RNF144A: variants seen among roughly 807,000 people sequenced by gnomAD.
RNF144A encodes E3 ubiquitin-protein ligase RNF144A.
Under a neutral mutation model 38.7 loss-of-function variants are expected in RNF144A, and 11 were observed. The observed-to-expected ratio is 0.28, with a 90% CI of 0.18 to 0.47. The LOEUF (loss-of-function observed/expected upper bound fraction) is 0.47. Ranked by LOEUF, RNF144A falls within the 20% of genes least tolerant of loss-of-function variation. RNF144A has a pLI of 0.99. For synonymous variants in RNF144A, 149 were observed against 143.9 expected (o/e 1.04, Z -0.25); for missense variants, 316 against 377.2 (o/e 0.84, Z 1.34).
At chr2:7,048,248 A>G (rs1032043088), downstream of RNF144A, among the ~76,000 whole-genome samples, 1 of 152,196 alleles carries the variant, frequency 6.6e-6, no homozygotes, top group Non-Finnish European at 1.5e-5. Context: ...CCTTCAGATA[A>G]TCGCATACAC....
At chr2:6,998,206 T>C (rs923162995) in intron 3 of RNF144A, among the ~76,000 whole-genome samples, 1 of 151,872 alleles carries the variant, frequency 6.6e-6, no homozygotes, top group Non-Finnish European at 1.5e-5. Flanking sequence ...ATTTAACTGC[T>C]GTTGTATGTG....
At chr2:6,990,393 C>G (rs1572349098) in intron 2 of RNF144A, among the ~76,000 whole-genome samples, 1 of 37,088 alleles carries the variant, frequency 2.7e-5, no homozygotes, top group African/African-American at 2.8e-4. Context: ...TTTACACACA[C>G]ACACACACAC....
At chr2:6,931,643 G>A (rs1665216103) in intron 1 of RNF144A, among the ~76,000 whole-genome samples, 1 of 152,186 alleles carries the variant, frequency 6.6e-6, no homozygotes, top group Non-Finnish European at 1.5e-5. Flanking sequence ...TTCTGTTTTG[G>A]TGGTGGTTTT....
At chr2:7,068,904 C>A (rs1572506175), downstream of RNF144A, among the ~76,000 whole-genome samples, 1 of 152,214 alleles carries the variant, frequency 6.6e-6, no homozygotes, top group South Asian at 2.1e-4. Context: ...TAGAGGCTGC[C>A]TGGCACCTCC....
At chr2:7,075,763 A>G in the RNF144A span, among the ~76,000 whole-genome samples, 1 of 152,186 alleles carries the variant, frequency 6.6e-6, no homozygotes, top group Non-Finnish European at 1.5e-5. Context: ...GGATTAAGAC[A>G]TTCAGCCTTG....
At chr2:6,922,247 G>GTGACTGGGAACCTC (rs1553323790) in intron 1 of RNF144A, among the ~76,000 whole-genome samples, 1 of 151,872 alleles carries the variant, frequency 6.6e-6, no homozygotes, top group African/African-American at 2.4e-5. Context: ...ACTGGGGCCA[G>GTGACTGGGAACCTC]CGAACTAGAC....
rs549587671 is a variant in RNF144A at position 6,948,492 on chromosome 2, C to T, written c.-12+7345C>T. 2.2e-4 allele frequency among the ~76,000 whole-genome samples: 34 copies of T among 152,322 alleles called. No individual in the cohort carries two copies. The South Asian group carries it at 6.6e-3, about 30-fold the overall frequency. ...TGTCCCTGTGAGCTGTGGTGCTTCC[C>T]ATCATCCAGCTGAGAAAACTGAGAC... On this transcript the variant is annotated intron_variant, in intron 2 of 8. Transcript: ENST00000320892.
chr2:6,956,056 A>G (rs1050331479), intron 2 of RNF144A, among the ~76,000 whole-genome samples: 1 of 152,190 alleles, frequency 6.6e-6, no homozygotes, highest in East Asian at 1.9e-4. Flanking sequence ...ATATTATAAC[A>G]TGGCTTCAAG....
intron 1 of RNF144A, among the ~76,000 whole-genome samples, chr2:6,935,042 C>T (rs1665479152): frequency 6.6e-6 from 1 of 150,950 alleles, no homozygotes; most frequent in African/African-American, 2.4e-5. Flanking sequence ...GCACCTTCTT[C>T]CTTCCTAAAA....
At chr2:7,008,253 C>T (rs546363220) in intron 3 of RNF144A, among the ~76,000 whole-genome samples, 7 of 152,356 alleles carry the variant, frequency 4.6e-5, no homozygotes, top group South Asian at 4.1e-4. Flanking sequence ...TTTTTGGCAG[C>T]GGGTGCGTGG....
At chr2:7,052,073 C>T (rs1673550228) in intron 6 of RNF144A, among the ~76,000 whole-genome samples, 1 of 152,140 alleles carries the variant, frequency 6.6e-6, no homozygotes, top group African/African-American at 2.4e-5. Context: ...TGCCCTATTG[C>T]CTCTGTAGCT....
chr2:7,070,695 TA>T (rs1382519959), downstream of RNF144A, among the ~76,000 whole-genome samples: 1 of 152,140 alleles, frequency 6.6e-6, no homozygotes, highest in East Asian at 1.9e-4. Flanking sequence ...AAGTGCTATG[TA>T]AAAACAGAGA....
chr2:6,935,323 C>G (rs1411766600), intron 1 of RNF144A, among the ~76,000 whole-genome samples: 2 of 152,220 alleles, frequency 1.3e-5, no homozygotes, highest in African/African-American at 4.8e-5. Flanking sequence ...ATACCCATTC[C>G]TGCAGTAACA....
chr2:6,965,432 G>A (rs1667605429), intron 2 of RNF144A, among the ~76,000 whole-genome samples: 1 of 152,234 alleles, frequency 6.6e-6, no homozygotes, highest in Non-Finnish European at 1.5e-5. Flanking sequence ...GAGCAACTTT[G>A]TGTCAATTAC....
In RNF144A at chr2:6,948,807, G is replaced by A. The variant is rs571379708; in HGVS notation, c.-12+7660G>A. On this transcript the variant is annotated intron_variant, in intron 2 of 8. Coordinates refer to ENST00000320892, the MANE Select transcript of RNF144A (RefSeq NM_014746.6). ...TTCTGGACATTGGTGTTTTGGAGGA[G>A]CCATTTTAAGGGCTATCAGCTGGTG... Among the ~76,000 whole-genome samples the A allele has an allele frequency of 1.2e-3, 184 of 152,330 alleles. 2 individuals carry two copies. Among genetic ancestry groups the A allele is most frequent in the Non-Finnish European group, 2.0e-3 (137 of 68,034 alleles).
At position 7,010,627 on chromosome 2, in the gene RNF144A, G is replaced by C. The variant is rs388773; in HGVS notation, c.136-3827G>C. On this transcript the variant is annotated intron_variant, in intron 3 of 8. Transcript: ENST00000320892. ...ATTAGCAAATCAGCAGTGCTGTCTCGTCATCAGGTTTCAAAGAGTTGGAAA... is the reference window on the plus strand; with the variant it reads ...ATTAGCAAATCAGCAGTGCTGTCTCCTCATCAGGTTTCAAAGAGTTGGAAA... 2.8e-3 allele frequency among the ~76,000 whole-genome samples: 421 copies of C among 152,070 alleles called. 6 individuals are homozygous for C. Among genetic ancestry groups the C allele is most frequent in the Non-Finnish European group, 8.1e-4 (55 of 68,008 alleles).
chr2:7,050,921 G>A (rs1055598655), intron 6 of RNF144A, among the ~76,000 whole-genome samples: 1 of 152,240 alleles, frequency 6.6e-6, no homozygotes, highest in African/African-American at 2.4e-5. Context: ...GAAGCTCAGT[G>A]AGGCAGAATG....
intron 2 of RNF144A, among the ~76,000 whole-genome samples, chr2:6,957,684 A>G (rs1395215920): frequency 1.3e-5 from 2 of 152,224 alleles, no homozygotes; most frequent in South Asian, 2.1e-4. Flanking sequence ...TAATCTCTCT[A>G]AATACTTGGA....
intron 6 of RNF144A, among the ~76,000 whole-genome samples, chr2:7,061,006 G>T (rs914795417): frequency 6.6e-6 from 1 of 152,112 alleles, no homozygotes; most frequent in Admixed American, 6.5e-5. Context: ...TTTCTAGAAG[G>T]CTGGATGGAA....
Sources: allele counts gnomAD v4.1 joint callset (sites outside exome capture counted in the v4.1 genomes callset), GRCh38; gene constraint gnomAD v4.1.1; transcripts MANE v1.5; gene names NCBI Gene and HGNC (gene_info 2026-07-23, HGNC 2026-07-21).